Variants in CADPS2 observed in about 807,000 individuals in gnomAD.
CADPS2 encodes the protein calcium dependent secretion activator 2, also known as calcium-dependent secretion activator 2.
CADPS2 carries 93 observed loss-of-function variants against 172.5 expected under a neutral mutation model. That is an observed-to-expected ratio of 0.54 (90% CI 0.46 to 0.64). The LOEUF is 0.64. Among genes scored for constraint, CADPS2 ranks in the 30% least tolerant of loss-of-function variants. The pLI, the probability that CADPS2 is intolerant of heterozygous loss-of-function variation, is 0.00. For synonymous variants in CADPS2, 546 were observed against 555.2 expected (o/e 0.98, Z 0.23); for missense variants, 1,420 against 1,565.9 (o/e 0.91, Z 1.57).
chr7:122,431,576 A>T (rs1343770717), intron 17 of CADPS2, among the ~76,000 whole-genome samples: 1 of 152,174 alleles, frequency 6.6e-6, no homozygotes, highest in African/African-American at 2.4e-5. Flanking sequence ...GTAAGAAGAG[A>T]TCAACAGACA....
chr7:122,577,322 T>C (rs2068180264), intron 7 of CADPS2, among the ~76,000 whole-genome samples: 1 of 152,126 alleles, frequency 6.6e-6, no homozygotes. Flanking sequence ...AAAAGTCCCC[T>C]GTGTACCCCT....
intron 7 of CADPS2, among the ~76,000 whole-genome samples, chr7:122,572,425 G>A (rs985906720): frequency 6.6e-6 from 1 of 152,126 alleles, no homozygotes; most frequent in Non-Finnish European, 1.5e-5. Flanking sequence ...TACTGAAGAT[G>A]TGGTATTAAG....
At chr7:122,447,658 A>G (rs2052466526) in intron 15 of CADPS2, among the ~76,000 whole-genome samples, 1 of 147,560 alleles carries the variant, frequency 6.8e-6, no homozygotes, top group Admixed American at 7.0e-5. Flanking sequence ...GGTTCAAGCA[A>G]TTTTCATGAC....
chr7:122,707,226 C>T (rs571529311), intron 2 of CADPS2, among the ~76,000 whole-genome samples: 65 of 151,990 alleles, frequency 4.3e-4, no homozygotes, highest in African/African-American at 1.5e-3. Flanking sequence ...TTAATGGGGA[C>T]ACAACATGGC....
chr7:122,483,313 T>C (rs184326383), intron 11 of CADPS2, among the ~76,000 whole-genome samples: 20 of 152,256 alleles, frequency 1.3e-4, no homozygotes, highest in African/African-American at 3.9e-4. Flanking sequence ...ACATTTCTCA[T>C]TGGAAAAACA....
intron 2 of CADPS2, chr7:122,698,805 C>T: frequency 1.2e-6 from 2 of 1,613,922 alleles, no homozygotes; most frequent in Non-Finnish European, 1.7e-6. Flanking sequence ...TATAAGCCAT[C>T]CAAACAACAC....
In CADPS2 at chr7:122,636,460, ATGT is replaced by A. The variant is rs1439527398; in HGVS notation, c.787-7135_787-7133del. ...CCGGCTCGTAAGGTTTCCACAAGAG[ATGT>A]TTTTTTTTTTTTTTTTTTTTGAGAT... On this transcript the variant is annotated intron_variant, in intron 3 of 29. Coordinates refer to ENST00000449022, the MANE Select transcript of CADPS2 (RefSeq NM_017954.11). Among the ~76,000 whole-genome samples the A allele has an allele frequency of 2.4e-3, 260 of 108,232 alleles. 1 individual carries two copies. Among genetic ancestry groups the A allele is most frequent in the Non-Finnish European group, 3.3e-3 (185 of 56,904 alleles). 71.0% of individuals were successfully genotyped at this position (108,232 alleles called of 152,430 possible). A position where few individuals can be genotyped will look rare whatever the true frequency, so the allele number is the denominator to read the frequency against.
intron 15 of CADPS2, among the ~76,000 whole-genome samples, chr7:122,442,579 C>T (rs937654430): frequency 6.6e-6 from 1 of 152,148 alleles, no homozygotes; most frequent in African/African-American, 2.4e-5. Flanking sequence ...ATTTCTCACA[C>T]CATAATTTAA....
intron 1 of CADPS2, among the ~76,000 whole-genome samples, chr7:122,885,717 G>T (rs1824172057): frequency 6.6e-6 from 1 of 152,146 alleles, no homozygotes; most frequent in African/African-American, 2.4e-5. Flanking sequence ...CGCCTGCCGG[G>T]TGCAACCGCG....
chr7:122,574,458 A>AAAAAAAAAAAAAAAAAAAAAAAT (rs2067706516), intron 7 of CADPS2, among the ~76,000 whole-genome samples: 1 of 149,014 alleles, frequency 6.7e-6, no homozygotes, highest in Non-Finnish European at 1.5e-5. Flanking sequence ...AAAAAAAAAA[A>AAAAAAAAAAAAAAAAAAAAAAAT]AAAAAAAAAA....
chr7:122,869,169 T>A (rs202143400), intron 1 of CADPS2, among the ~76,000 whole-genome samples: 1 of 151,960 alleles, frequency 6.6e-6, no homozygotes, highest in East Asian at 1.9e-4. Flanking sequence ...TGCCCAAGTC[T>A]AGGGAAGAAA....
At chr7:122,765,879 G>A (rs2138904337) in intron 1 of CADPS2, among the ~76,000 whole-genome samples, 1 of 152,108 alleles carries the variant, frequency 6.6e-6, no homozygotes, top group South Asian at 2.1e-4. Flanking sequence ...AATCCAGGTT[G>A]GATTTCTGGG....
intron 6 of CADPS2, among the ~76,000 whole-genome samples, chr7:122,595,404 C>G (rs1280077614): frequency 6.6e-6 from 1 of 151,892 alleles, no homozygotes; most frequent in Admixed American, 6.6e-5. Flanking sequence ...TTCTTTGGGG[C>G]CAGTCATTTG....
In CADPS2 at chr7:122,526,932, C is replaced by T. The variant is rs1487225154; in HGVS notation, c.1476-13617G>A. ...TGTCCAGCACTGTTCCTTCATATGGCAGACACTCCATAAACATTTTTGGAA... is the reference window on the plus strand; with the variant it reads ...TGTCCAGCACTGTTCCTTCATATGGTAGACACTCCATAAACATTTTTGGAA... On this transcript the variant is annotated intron_variant, in intron 8 of 29. Transcript: ENST00000449022. Among the ~76,000 whole-genome samples the T allele has an allele frequency of 9.9e-5, 15 of 152,138 alleles. No homozygotes were observed. In the East Asian group the frequency reaches 2.9e-3, roughly 29 times the overall value.
chr7:122,741,009 G>C (rs1031873729), intron 1 of CADPS2, among the ~76,000 whole-genome samples: 2 of 152,052 alleles, frequency 1.3e-5, no homozygotes, highest in Admixed American at 6.6e-5. Flanking sequence ...AGATACACCT[G>C]CACATGTGAG....
At chr7:122,831,401 C>T (rs780555752) in intron 1 of CADPS2, among the ~76,000 whole-genome samples, 2 of 152,212 alleles carry the variant, frequency 1.3e-5, no homozygotes, top group Non-Finnish European at 2.9e-5. Flanking sequence ...TCTTCAAAAA[C>T]CATCAGTATC....
intron 1 of CADPS2, among the ~76,000 whole-genome samples, chr7:122,811,080 G>A (rs1462074233): frequency 6.6e-6 from 1 of 152,132 alleles, no homozygotes; most frequent in East Asian, 1.9e-4. Flanking sequence ...GGGAAGAAAA[G>A]CATTTTCTAA....
chr7:122,786,207 T>C (rs1365419675), intron 1 of CADPS2, among the ~76,000 whole-genome samples: 4 of 152,212 alleles, frequency 2.6e-5, no homozygotes, highest in African/African-American at 9.6e-5. Flanking sequence ...CTTTTGTTCA[T>C]GTAAATGGCA....
intron 9 of CADPS2, among the ~76,000 whole-genome samples, chr7:122,495,364 C>G (rs941031986): frequency 5.9e-5 from 9 of 152,090 alleles, no homozygotes; most frequent in Admixed American, 2.6e-4. Context: ...ATTTCCATGA[C>G]GTTTTGAAAT....
Sources: gnomAD v4.1 joint callset for allele counts (sites outside exome capture counted in the v4.1 genomes callset) on GRCh38, gnomAD v4.1.1 for gene constraint, MANE v1.5 for transcripts, NCBI Gene and HGNC (gene_info 2026-07-23, HGNC 2026-07-21) for gene names.